PPP6R1: variants seen among roughly 807,000 people sequenced by gnomAD.
The protein encoded by PPP6R1 is protein phosphatase 6 regulatory subunit 1, also known as serine/threonine-protein phosphatase 6 regulatory subunit 1.
PPP6R1 carries 39 observed loss-of-function variants against 104.6 expected under a neutral mutation model. The ratio of observed to expected loss-of-function variants is 0.37; its 90% CI spans 0.29 to 0.49. The LOEUF is 0.49. PPP6R1 is among the 20% of genes least tolerant of loss of function. The pLI, the probability that PPP6R1 is intolerant of heterozygous loss-of-function variation, is 0.98. For missense variants in PPP6R1, 1,181 were observed against 1,155.8 expected, an observed-to-expected ratio of 1.02 and a Z score of -0.32; for synonymous variants, 549 against 479.0, an observed-to-expected ratio of 1.15 and a Z score of -1.91.
intron 14 of PPP6R1, 42 bp downstream of exon 14, chr19:55,239,552 T>TCCAGCATAGC (rs776982159): frequency 1.9e-6 from 3 of 1,610,254 alleles, no homozygotes; most frequent in Admixed American, 1.7e-5. Flanking sequence ...AGGACCCCAC[T>TCCAGCATAGC]CCAGCATAGC....
chr19:55,246,473 G>A (rs930486298), intron 2 of PPP6R1, among the ~76,000 whole-genome samples: 27 of 151,030 alleles, frequency 1.8e-4, no homozygotes, highest in Non-Finnish European at 3.8e-4. Flanking sequence ...TAAGTAAAGT[G>A]TCTTCAATAG....
rs200080199 is a variant in PPP6R1 at position 55,242,442 on chromosome 19, C to T, written c.665G>A (p.Ser222Asn). 4.0e-5 allele frequency: 64 copies of T among 1,613,886 alleles called. No individual in the cohort carries two copies. Among genetic ancestry groups the T allele is most frequent in the Admixed American group, 1.7e-5 (1 of 60,000 alleles). Reference protein sequence around the residue: ...SQSLCDIIRLSREQMIQVQDS... With the variant: ...SQSLCDIIRLNREQMIQVQDS... ...CTGGACTTGGATCATCTGCTCCCGG[C>T]TCAGGCGGATGATGTCACACAGGGA... is the stretch of plus-strand genomic sequence containing the variant. Residue 222 changes from serine to asparagine, a missense_variant, in exon 6 of 24, where the codon AGC (serine) becomes AAC (asparagine). This residue lies in a region of PPP6R1 where 1,042 missense variants were observed against 955.6 expected (regional missense o/e 1.09). Transcript: ENST00000412770.
intron 17 of PPP6R1, chr19:55,232,458 C>T: frequency 2.1e-6 from 1 of 469,656 alleles, no homozygotes; most frequent in Non-Finnish European, 3.7e-6. Context: ...CGTCGCCAGT[C>T]ATCCGTGGAG....
chr19:55,242,178 G>A lies in PPP6R1; in HGVS notation c.833C>T (p.Pro278Leu), dbSNP rs1430812216. Reference protein sequence around the residue: ...GIQVLLTLLEPRRPRSESVTV... With the variant: ...GIQVLLTLLELRRPRSESVTV... ...CCGTATCCCTCACCTCGGCCTCCTG[G>A]GCTCCAGCAGGGTCAGCAGCACCTG... is the stretch of plus-strand genomic sequence containing the variant. Residue 278 changes from proline to leucine, a missense_variant, in exon 7 of 24, where the codon CCC becomes CTC. This residue lies in a region of PPP6R1 where 1,042 missense variants were observed against 955.6 expected (regional missense o/e 1.09). Coordinates refer to ENST00000412770, the MANE Select transcript of PPP6R1 (RefSeq NM_014931.4). 6.2e-7 allele frequency: 1 copy of A among 1,613,170 alleles called. No homozygotes were observed.
At position 55,240,041 on chromosome 19, in the gene PPP6R1, C is replaced by T. The variant is rs765517114; in HGVS notation, c.1435G>A (p.Glu479Lys). The T allele has an allele frequency of 1.3e-5, 21 of 1,603,642 alleles. 1 individual carries two copies. In the Admixed American group the frequency reaches 3.6e-4, roughly 27 times the overall value. Residue 479 changes from glutamate (E) to lysine (K), a missense_variant, in exon 12 of 24, where the codon GAG becomes AAG. By Grantham distance (56) the Glu-to-Lys change is moderately conservative (BLOSUM62 1). This residue lies in a region of PPP6R1 where 1,042 missense variants were observed against 955.6 expected (regional missense o/e 1.09). Transcript: ENST00000412770. Reference protein sequence around the residue: ...RVAGALVQNTEKGPNAEQLRQ... With the variant: ...RVAGALVQNTKKGPNAEQLRQ... ...AGCTGCTCTGCATTGGGCCCCTTCT[C>T]CGTGTTCTGCACCAGGGCACCGGCC...
At chr19:55,239,357 T>C in intron 15 of PPP6R1, 48 bp downstream of exon 15, 1 of 1,552,066 alleles carries the variant, frequency 6.4e-7, no homozygotes, top group East Asian at 2.3e-5. Context: ...GCGCGCCTGC[T>C]GCTGCAGAGG....
At position 55,245,337 on chromosome 19, in the gene PPP6R1, C is replaced by T. The variant is rs769686470; in HGVS notation, c.480G>A (p.Ser160=). The change falls in exon 4 of 24, where the codon TCG becomes TCA. Residue 160 remains serine, a synonymous_variant. Transcript: ENST00000412770. The surrounding 1 kb of genome is among the most constrained non-coding windows in gnomAD (Gnocchi z 6.4). ...VDLLLQHIGT[S]AIMDLLLRLL... ...GGCGCAGCAGGAGGTCCATGATGGC[C>T]GAGGTGCCAATGTGCTGCAGCAGCA... 1.9e-5 allele frequency: 31 copies of T among 1,611,148 alleles called. No individual in the cohort carries two copies. The highest frequency in any genetic ancestry group is 7.7e-5 in the South Asian group (7 of 90,548).
chr19:55,240,555 A>G lies in PPP6R1; in HGVS notation c.1297-255T>C, dbSNP rs150463179. On this transcript the variant is annotated intron_variant, in intron 10 of 23. Transcript: ENST00000412770. ...CACACACACACACACACACACACAC[A>G]CATGCATGCACTAACGGACACACAC... Among the ~76,000 whole-genome samples, 81 of 147,636 alleles carry G rather than the reference A, an allele frequency of 5.5e-4. No individual in the cohort carries two copies. In the South Asian group the frequency reaches 0.013, roughly 24 times the overall value.
chr19:55,242,927 T>C (rs1253953901), intron 5 of PPP6R1, among the ~76,000 whole-genome samples: 1 of 152,078 alleles, frequency 6.6e-6, no homozygotes, highest in African/African-American at 2.4e-5. Flanking sequence ...ACGTAGTACA[T>C]GATTCCAATT....
In PPP6R1 at chr19:55,240,946, T is replaced by C; in HGVS notation, c.1295A>G (p.His432Arg). Residue 432 changes from histidine to arginine, a missense_variant and splice_region_variant, in exon 10 of 24, where the codon CAT becomes CGT. Around this residue, in one of 2 missense-constraint regions of PPP6R1, gnomAD observed 1,042 missense variants for 955.6 expected, o/e 1.09. Transcript: ENST00000412770. ...GGGGACCAGGGAGTCCCAGCTCACA[T>C]GTTTCACAACAGGGTTTTGGATGGG... ...ETPIQNPVVK[H>R]LLQQCRLVER... 6.2e-7 allele frequency: 1 copy of C among 1,605,594 alleles called. No homozygotes were observed. Among genetic ancestry groups the C allele is most frequent in the Non-Finnish European group, 8.5e-7 (1 of 1,176,812 alleles).
chr19:55,246,374 G>A (rs1205857220), intron 2 of PPP6R1, among the ~76,000 whole-genome samples: 3 of 148,898 alleles, frequency 2.0e-5, no homozygotes, highest in Non-Finnish European at 3.0e-5. Flanking sequence ...GCAGTGAGCC[G>A]ATCATGCCTC....
At position 55,247,121 on chromosome 19, in the gene PPP6R1, G is replaced by C. The variant is rs1374853594; in HGVS notation, c.-6-12C>G. On this transcript the variant is annotated splice_polypyrimidine_tract_variant and intron_variant, in intron 1 of 23. Coordinates refer to ENST00000412770, the MANE Select transcript of PPP6R1 (RefSeq NM_014931.4). ...CAAAACATGGCGCCCTGCAGGCATA[G>C]ACACAACCAGCGCCGCGTCAGACGC... is the stretch of plus-strand genomic sequence containing the variant. 2 of 1,609,388 alleles carry C rather than the reference G, an allele frequency of 1.2e-6. No homozygotes were observed. Among genetic ancestry groups the C allele is most frequent in the African/African-American group, 1.3e-5 (1 of 74,938 alleles).
chr19:55,250,574 T>A (rs966459302), intron 1 of PPP6R1, among the ~76,000 whole-genome samples: 2 of 152,160 alleles, frequency 1.3e-5, no homozygotes, highest in African/African-American at 4.8e-5. Flanking sequence ...AAACTCCCTG[T>A]CCACCTTGTC....
At position 55,239,856 on chromosome 19, in the gene PPP6R1, C is replaced by T. The variant is rs775002423; in HGVS notation, c.1533G>A (p.Ala511=). 46 of 1,613,788 alleles carry T rather than the reference C, an allele frequency of 2.9e-5. No homozygotes were observed. Among genetic ancestry groups the T allele is most frequent in the South Asian group, 6.6e-5 (6 of 91,080 alleles). ...CCACCATGTTCTTCTTGTTGGTCTC[C>T]GCCAGGGGCCCCGATACGAAGGCTT... The part of the protein sequence containing the change: ...QWEAFVSGPL[A]ETNKKNMVDL... Residue 511 remains alanine, a synonymous_variant, in exon 13 of 24, where the codon GCG becomes GCA. Coordinates refer to ENST00000412770, the MANE Select transcript of PPP6R1 (RefSeq NM_014931.4).
Position 55,245,907 on chromosome 19 carries a change from C to G in PPP6R1, c.228-229G>C, listed in dbSNP as rs2122671019. On this transcript the variant is annotated intron_variant, in intron 2 of 23. Coordinates refer to ENST00000412770, the MANE Select transcript of PPP6R1 (RefSeq NM_014931.4). This position sits in a 1 kb window ranked among gnomAD's most constrained non-coding sequence, Gnocchi z 6.4. ...CATCCCATCCTAGGCTCCTTACCACCCCCAAGACAAGCTGGTCCTGAAGCT... is the reference window on the plus strand; with the variant it reads ...CATCCCATCCTAGGCTCCTTACCACGCCCAAGACAAGCTGGTCCTGAAGCT... 6.6e-6 allele frequency among the ~76,000 whole-genome samples: 1 copy of G among 152,286 alleles called. No homozygotes were observed. Among genetic ancestry groups the G allele is most frequent in the Admixed American group, 6.5e-5 (1 of 15,302 alleles).
In PPP6R1 at chr19:55,241,326, C is replaced by A; in HGVS notation, c.1074G>T (p.Val358=). ...APPLGNTRLH[V]VKLLASALSA... ...TCAGGGCACTGGCCAGGAGCTTGACCACGTGCAGCCGCGTGTTGCCCAGAG... is the reference window on the plus strand; with the variant it reads ...TCAGGGCACTGGCCAGGAGCTTGACAACGTGCAGCCGCGTGTTGCCCAGAG... The change falls in exon 9 of 24, where the codon GTG becomes GTT. Residue 358 remains valine (V), a synonymous_variant. Coordinates refer to ENST00000412770, the MANE Select transcript of PPP6R1 (RefSeq NM_014931.4). This position sits in a 1 kb window ranked among gnomAD's most constrained non-coding sequence, Gnocchi z 5.4. 6.2e-7 allele frequency: 1 copy of A among 1,611,830 alleles called. No homozygotes were observed. The highest frequency in any genetic ancestry group is 8.5e-7 in the Non-Finnish European group (1 of 1,179,756).
chr19:55,230,794 C>G lies in PPP6R1; in HGVS notation c.2550G>C (p.Leu850Phe). The G allele has an allele frequency of 1.3e-6, 2 of 1,594,362 alleles. No individual in the cohort carries two copies. Among genetic ancestry groups the G allele is most frequent in the Non-Finnish European group, 1.7e-6 (2 of 1,175,868 alleles). The stretch of plus-strand genomic sequence containing the variant: ...CTCACCTCTGGCTTTGGGGAAGCCC[C>G]AAGGGCTCTGGGCTCTTCTCCCCTT... ...TTEGEKSPEP[L>F]GLPQSQSAQA... Residue 850 changes from leucine (L) to phenylalanine (F), a missense_variant, in exon 22 of 24, where the codon TTG becomes TTC. Around this residue, in one of 2 missense-constraint regions of PPP6R1, gnomAD observed 1,042 missense variants for 955.6 expected, o/e 1.09. Transcript: ENST00000412770.
Position 55,230,639 on chromosome 19 carries a change from C to A in PPP6R1, c.2616G>T (p.Pro872=). Residue 872 remains proline, a synonymous_variant, in exon 23 of 24, where the codon CCG becomes CCT. Transcript: ENST00000412770. ...TPPPIPNGSA[P]EGPASPGSQ ...GGGAGCCTGGGGATGCAGGCCCTTC[C>A]GGGGCAGAGCCATTGGGTATCGGAG... The A allele has an allele frequency of 2.5e-6, 4 of 1,610,432 alleles. No homozygotes were observed. The highest frequency in any genetic ancestry group is 1.7e-6 in the Non-Finnish European group (2 of 1,178,408).
At chr19:55,248,372 G>A (rs934458383) in intron 1 of PPP6R1, among the ~76,000 whole-genome samples, 3 of 152,186 alleles carry the variant, frequency 2.0e-5, no homozygotes, top group East Asian at 1.9e-4. Flanking sequence ...CAGCCTTCAC[G>A]GAGCTCTCAC....
Sources: allele counts gnomAD v4.1 joint callset (sites outside exome capture counted in the v4.1 genomes callset), GRCh38; gene constraint gnomAD v4.1.1; regional missense constraint gnomAD v4.1.1; non-coding constraint Gnocchi (gnomAD v3.1); transcripts MANE v1.5; gene names NCBI Gene and HGNC (gene_info 2026-07-23, HGNC 2026-07-21).